Variants in ROBO1 observed in about 807,000 individuals in gnomAD.
ROBO1 encodes roundabout guidance receptor 1.
ROBO1 carries 149 observed loss-of-function variants against 195.9 expected under a neutral mutation model. That is an observed-to-expected ratio of 0.76 (90% CI 0.67 to 0.87). The LOEUF (loss-of-function observed/expected upper bound fraction) is 0.87. Ranked by LOEUF, ROBO1 falls within the 40% of genes least tolerant of loss-of-function variation. The pLI is 0.00. For synonymous variants in ROBO1, 816 were observed against 733.2 expected, an observed-to-expected ratio of 1.11 and a Z score of -1.82; for missense variants, 1,933 against 2,068.3, an observed-to-expected ratio of 0.93 and a Z score of 1.27.
intron 22 of ROBO1, among the ~76,000 whole-genome samples, chr3:78,639,049 G>A (rs891721933): frequency 1.1e-4 from 17 of 152,138 alleles, no homozygotes; most frequent in African/African-American, 3.9e-4. Flanking sequence ...GGGAGGCTGA[G>A]GCAGGAGAAT....
intron 1 of ROBO1, among the ~76,000 whole-genome samples, chr3:79,714,693 T>A (rs568878383): frequency 1.3e-5 from 2 of 151,986 alleles, no homozygotes; most frequent in Non-Finnish European, 2.9e-5. Flanking sequence ...GTTCATGTCC[T>A]TTGTAGGGAC....
chr3:79,450,482 C>A (rs1251871733), intron 2 of ROBO1, among the ~76,000 whole-genome samples: 1 of 151,948 alleles, frequency 6.6e-6, no homozygotes, highest in Non-Finnish European at 1.5e-5. Flanking sequence ...AGAGACTTTT[C>A]AGTTATACGA....
intron 4 of ROBO1, among the ~76,000 whole-genome samples, chr3:78,813,413 C>A (rs748705134): frequency 1.7e-4 from 26 of 152,018 alleles, no homozygotes; most frequent in Non-Finnish European, 3.4e-4. Context: ...GGGATAAATA[C>A]ATGTATAAAG....
intron 4 of ROBO1, among the ~76,000 whole-genome samples, chr3:78,840,357 T>A (rs537848686): frequency 6.6e-6 from 1 of 152,322 alleles, no homozygotes; most frequent in African/African-American, 2.4e-5. Flanking sequence ...TATCAAATTA[T>A]CTGAATCTGG....
intron 3 of ROBO1, among the ~76,000 whole-genome samples, chr3:78,940,838 G>A (rs956369069): frequency 6.6e-6 from 1 of 152,142 alleles, no homozygotes; most frequent in African/African-American, 2.4e-5. Flanking sequence ...GCAGAGTGCT[G>A]TGCACATTAC....
intron 2 of ROBO1, among the ~76,000 whole-genome samples, chr3:79,197,508 T>A (rs2108770188): frequency 6.6e-6 from 1 of 152,218 alleles, no homozygotes; most frequent in South Asian, 2.1e-4. Flanking sequence ...TACGTGTGCA[T>A]GTGTCTTTAT....
At chr3:79,628,552 G>T (rs904351780) in intron 1 of ROBO1, among the ~76,000 whole-genome samples, 14 of 152,046 alleles carry the variant, frequency 9.2e-5, no homozygotes, top group Non-Finnish European at 2.1e-4. Context: ...CATGGCACAG[G>T]TATACCTATG....
At chr3:79,258,100 C>A (rs989516077) in intron 2 of ROBO1, among the ~76,000 whole-genome samples, 2 of 152,110 alleles carry the variant, frequency 1.3e-5, no homozygotes, top group African/African-American at 4.8e-5. Context: ...ATGACTTCAA[C>A]CAGATGCTAA....
At position 78,668,281 on chromosome 3, in the gene ROBO1, G is replaced by A. The variant is rs1383909319; in HGVS notation, c.1652C>T (p.Pro551Leu). The change falls in exon 13 of 31, where the codon CCT becomes CTT. Residue 551 changes from proline (P) to leucine (L), a missense_variant. Physicochemically the swap from Pro to Leu is moderately conservative, Grantham distance 98 (BLOSUM62 -3). This residue lies in a region of ROBO1 where 1,737 missense variants were observed against 1,882.5 expected (regional missense o/e 0.92). Transcript: ENST00000464233. ...TAAATTTGGGTCAGTAGGTCTTGGA[G>A]GCTGAACTGGAACTCCAAATTCTAA... is the stretch of plus-strand genomic sequence containing the variant. The part of the protein sequence containing the change: ...EVQEFGVPVQ[P>L]PRPTDPNLIP... The A allele has an allele frequency of 6.2e-7, 1 of 1,613,282 alleles. No homozygotes were observed. The highest frequency in any genetic ancestry group is 1.7e-5 in the Admixed American group (1 of 59,854).
At chr3:79,401,350 G>GT (rs999422724) in intron 2 of ROBO1, among the ~76,000 whole-genome samples, 5 of 151,878 alleles carry the variant, frequency 3.3e-5, no homozygotes, top group Non-Finnish European at 7.4e-5. Flanking sequence ...GCCAAAATAT[G>GT]TAAGAATTGG....
chr3:79,386,780 C>A (rs1485002247), intron 2 of ROBO1, among the ~76,000 whole-genome samples: 1 of 152,082 alleles, frequency 6.6e-6, no homozygotes, highest in East Asian at 1.9e-4. Flanking sequence ...AAGCCAGAAG[C>A]AGGATTGTGG....
At chr3:78,991,126 G>A (rs1340723827) in intron 3 of ROBO1, among the ~76,000 whole-genome samples, 2 of 152,092 alleles carry the variant, frequency 1.3e-5, no homozygotes, top group South Asian at 4.1e-4. Context: ...TAAGGAGGCA[G>A]ATCAGGCACA....
intron 2 of ROBO1, among the ~76,000 whole-genome samples, chr3:79,281,821 G>GA (rs1372612023): frequency 2.6e-5 from 4 of 152,102 alleles, no homozygotes; most frequent in Non-Finnish European, 5.9e-5. Context: ...TCAGAAATAT[G>GA]AAAAAAGATG....
chr3:79,416,807 T>G (rs1032634766), intron 2 of ROBO1, among the ~76,000 whole-genome samples: 1 of 152,248 alleles, frequency 6.6e-6, no homozygotes, highest in African/African-American at 2.4e-5. Flanking sequence ...ATAATGTACT[T>G]GTCTGGAATA....
At chr3:78,983,489 A>C (rs1576510913) in intron 3 of ROBO1, among the ~76,000 whole-genome samples, 1 of 152,262 alleles carries the variant, frequency 6.6e-6, no homozygotes, top group Admixed American at 6.5e-5. Flanking sequence ...CATTTGCTAT[A>C]ATGCTGATCA....
chr3:79,319,645 TG>T (rs1371359113), intron 2 of ROBO1, among the ~76,000 whole-genome samples: 1 of 152,104 alleles, frequency 6.6e-6, no homozygotes, highest in Non-Finnish European at 1.5e-5. Context: ...AAAATAGCCA[TG>T]GAAGTGGTGT....
chr3:79,075,468 G>C (rs1298735898), intron 3 of ROBO1, among the ~76,000 whole-genome samples: 1 of 151,866 alleles, frequency 6.6e-6, no homozygotes, highest in Non-Finnish European at 1.5e-5. Flanking sequence ...ATCTATGTTA[G>C]GGTACATACA....
chr3:79,564,720 T>C (rs920710234), intron 2 of ROBO1, among the ~76,000 whole-genome samples: 3 of 152,112 alleles, frequency 2.0e-5, no homozygotes, highest in Non-Finnish European at 4.4e-5. Flanking sequence ...AAGCTATCTG[T>C]ACAACTAAAA....
intron 3 of ROBO1, among the ~76,000 whole-genome samples, chr3:79,018,219 G>C (rs191517589): frequency 6.6e-6 from 1 of 152,116 alleles, no homozygotes; most frequent in African/African-American, 2.4e-5. Flanking sequence ...AGGTTTTGGG[G>C]AGTGGGGAAA....
Sources: gnomAD v4.1 joint callset for allele counts (sites outside exome capture counted in the v4.1 genomes callset) on GRCh38, gnomAD v4.1.1 for gene constraint, gnomAD v4.1.1 regional missense constraint, MANE v1.5 for transcripts, NCBI Gene and HGNC (gene_info 2026-07-23, HGNC 2026-07-21) for gene names.